Variants in CTNNA2 observed in about 807,000 individuals in gnomAD.
The protein encoded by CTNNA2 is catenin alpha-2.
In CTNNA2, 42 loss-of-function variants were observed where a neutral mutation model predicts 101.0. The observed-to-expected ratio is 0.42, with a 90% CI of 0.32 to 0.54. The LOEUF is 0.54. Ranked by LOEUF, CTNNA2 falls within the 20% of genes least tolerant of loss-of-function variation. The probability of loss-of-function intolerance (pLI) is 0.14; values close to 1 mark genes in which losing one functional copy is unlikely to be tolerated. For synonymous variants in CTNNA2, 450 were observed against 456.4 expected (o/e 0.99, Z 0.18); for missense variants, 871 against 1,223.1 (o/e 0.71, Z 4.29).
intron 2 of CTNNA2, among the ~76,000 whole-genome samples, chr2:79,249,978 T>C (rs992210212): frequency 5.3e-5 from 8 of 152,308 alleles, no homozygotes; most frequent in African/African-American, 1.9e-4. Context: ...AGTTTTTGTA[T>C]CAGCTACATT....
chr2:79,532,457 A>G (rs183138025), intron 1 of CTNNA2, among the ~76,000 whole-genome samples: 3 of 152,190 alleles, frequency 2.0e-5, no homozygotes, highest in Admixed American at 6.6e-5. Context: ...ATTACAATTT[A>G]AAGATGAGTA....
intron 3 of CTNNA2, among the ~76,000 whole-genome samples, chr2:79,330,210 T>G (rs1238461132): frequency 1.3e-5 from 2 of 151,860 alleles, no homozygotes; most frequent in Admixed American, 1.3e-4. Context: ...CAGGTCTAGG[T>G]TTGGTGAAGA....
intron 7 of CTNNA2, among the ~76,000 whole-genome samples, chr2:80,113,809 G>C (rs1056058145): frequency 1.3e-5 from 2 of 152,148 alleles, no homozygotes; most frequent in Admixed American, 6.5e-5. Flanking sequence ...TATCTGGTAA[G>C]GTGGAAGAAA....
At chr2:79,447,920 C>G (rs1298821640) in intron 4 of CTNNA2, among the ~76,000 whole-genome samples, 2 of 151,970 alleles carry the variant, frequency 1.3e-5, no homozygotes, top group African/African-American at 4.8e-5. Context: ...GTCCCACCTC[C>G]CTTTTGTAAA....
chr2:79,778,897 T>C (rs2105188121), intron 3 of CTNNA2, among the ~76,000 whole-genome samples: 1 of 152,296 alleles, frequency 6.6e-6, no homozygotes, highest in Non-Finnish European at 1.5e-5. Flanking sequence ...TTTAAAAAGG[T>C]AAAAATCATT....
At chr2:79,318,423 A>G (rs1486017655) in intron 3 of CTNNA2, among the ~76,000 whole-genome samples, 1 of 152,196 alleles carries the variant, frequency 6.6e-6, no homozygotes, top group African/African-American at 2.4e-5. Flanking sequence ...CAGGGTGGCT[A>G]TTACTCCACT....
intron 9 of CTNNA2, among the ~76,000 whole-genome samples, chr2:80,482,326 G>A (rs189558742): frequency 1.1e-4 from 16 of 152,190 alleles, no homozygotes; most frequent in South Asian, 2.1e-4. Flanking sequence ...CTTGACATGC[G>A]TGGTAATTAC....
At chr2:80,070,849 A>G (rs927587083) in intron 7 of CTNNA2, among the ~76,000 whole-genome samples, 1 of 152,064 alleles carries the variant, frequency 6.6e-6, no homozygotes, top group African/African-American at 2.4e-5. Flanking sequence ...GGCTACCTAC[A>G]TTCCTTGGCC....
intron 1 of CTNNA2, among the ~76,000 whole-genome samples, chr2:79,569,486 G>A (rs2861852): frequency 0.74 from 112,964 of 152,050 alleles, 42,268 homozygotes; most frequent in Non-Finnish European, 0.78. Flanking sequence ...GCCTTGAGAA[G>A]CACTGAAGGA....
intron 15 of CTNNA2, 88 bp from the exon 16 acceptor site, chr2:80,603,986 C>T (rs1697779288): frequency 9.0e-7 from 1 of 1,113,090 alleles, no homozygotes; most frequent in Admixed American, 2.0e-5. Context: ...TAAAATACAA[C>T]ACTAGACTCC....
intron 9 of CTNNA2, among the ~76,000 whole-genome samples, chr2:80,515,259 C>A (rs1400117770): frequency 6.6e-5 from 10 of 151,840 alleles, no homozygotes; most frequent in African/African-American, 2.4e-4. Context: ...GACCCACCAT[C>A]ACCAAGAGAA....
upstream of CTNNA2, among the ~76,000 whole-genome samples, chr2:79,510,214 AAT>A (rs1558686926): frequency 6.6e-6 from 1 of 152,190 alleles, no homozygotes; most frequent in Non-Finnish European, 1.5e-5. Flanking sequence ...ATAAATTTTT[AAT>A]ATGAGTGAGG....
At chr2:79,780,601 C>T (rs17017866) in intron 3 of CTNNA2, among the ~76,000 whole-genome samples, 1 of 152,122 alleles carries the variant, frequency 6.6e-6, no homozygotes, top group Admixed American at 6.6e-5. Context: ...TGTGAACCAC[C>T]ATTTAGTCTA....
rs1191845269 is a variant in CTNNA2, at chr2:79,465,076, G to A, written c.-134-39978G>A. 2.6e-5 allele frequency among the ~76,000 whole-genome samples: 4 copies of A among 152,052 alleles called. No individual in the cohort carries two copies. In the South Asian group the frequency reaches 8.3e-4, roughly 32 times the overall value. ...CCTTGCCCATGCCTATGTCCTGAAT[G>A]GTATTGCCTAGGTTTTCTTCTAGGG... On this transcript the variant is annotated intron_variant, in intron 4 of 21. Transcript: ENST00000466387.
chr2:80,313,698 C>G (rs760566134), intron 7 of CTNNA2: 2 of 1,445,104 alleles, frequency 1.4e-6, no homozygotes, highest in South Asian at 1.2e-5. Flanking sequence ...AATTTAGTGC[C>G]AGATTGGAAA....
chr2:79,219,150 A>G (rs1400534035), intron 2 of CTNNA2, among the ~76,000 whole-genome samples: 1 of 152,218 alleles, frequency 6.6e-6, no homozygotes, highest in Non-Finnish European at 1.5e-5. Context: ...ACATTCTAAG[A>G]AAACATTATT....
At chr2:79,246,658 G>A (rs893301278) in intron 2 of CTNNA2, among the ~76,000 whole-genome samples, 73 of 152,200 alleles carry the variant, frequency 4.8e-4, no homozygotes, top group African/African-American at 1.7e-3. Context: ...TGTGGTTCAG[G>A]CAGGTTTACA....
chr2:79,717,338 G>T (rs62140149), intron 2 of CTNNA2, among the ~76,000 whole-genome samples: 25 of 152,160 alleles, frequency 1.6e-4, no homozygotes, highest in Non-Finnish European at 3.5e-4. Flanking sequence ...TCTCAGTTTT[G>T]TTAGGTGTCC....
chr2:80,266,326 C>T lies in CTNNA2; in HGVS notation c.1057-126885C>T, dbSNP rs1672998044. Among the ~76,000 whole-genome samples the T allele has an allele frequency of 1.3e-5, 2 of 152,352 alleles. 1 individual carries two copies. The highest frequency in any genetic ancestry group is 6.8e-3 in the Middle Eastern group (2 of 294). On this transcript the variant is annotated intron_variant, in intron 7 of 18. Coordinates refer to ENST00000402739, the MANE Select transcript of CTNNA2 (RefSeq NM_001282597.3). ...GTGGGCACACAGAGAGAGCTCATGG[C>T]CAATGCCATCGCCCACAGGGAAGTG...
Sources: allele counts gnomAD v4.1 joint callset (sites outside exome capture counted in the v4.1 genomes callset), GRCh38; gene constraint gnomAD v4.1.1; transcripts MANE v1.5; gene names NCBI Gene and HGNC (gene_info 2026-07-23, HGNC 2026-07-21).